Variants in WDR45B observed in about 807,000 individuals in gnomAD.
WDR45B encodes the protein WD repeat domain 45B.
In WDR45B, 20 loss-of-function variants were observed where a neutral mutation model predicts 44.6. That is an observed-to-expected ratio of 0.45 (90% CI 0.32 to 0.65). The LOEUF is 0.65. WDR45B is among the 30% of genes least tolerant of loss of function. The pLI is 0.05. For missense variants in WDR45B, 323 were observed against 430.2 expected (o/e 0.75, Z 2.20); for synonymous variants, 169 against 164.9 (o/e 1.02, Z -0.19).
chr17:82,634,225 C>T (rs958754356), intron 2 of WDR45B, among the ~76,000 whole-genome samples: 5 of 148,000 alleles, frequency 3.4e-5, no homozygotes, highest in African/African-American at 1.2e-4. Context: ...TGCAGTGGCT[C>T]ATACCCATAA....
intron 2 of WDR45B, among the ~76,000 whole-genome samples, chr17:82,632,255 G>A (rs991962631): frequency 3.3e-5 from 5 of 151,720 alleles, no homozygotes; most frequent in South Asian, 2.1e-4. Flanking sequence ...TCAAACTCCC[G>A]GGCTCAAGGA....
intron 1 of WDR45B, among the ~76,000 whole-genome samples, chr17:82,645,186 T>C (rs1246520164): frequency 6.6e-6 from 1 of 151,334 alleles, no homozygotes; most frequent in Non-Finnish European, 1.5e-5. Context: ...TAATCCCAGC[T>C]ACTCAGGAGG....
At chr17:82,648,165 G>T in intron 1 of WDR45B, 109 bp downstream of exon 1, 2 of 1,295,316 alleles carry the variant, frequency 1.5e-6, no homozygotes, top group Admixed American at 2.5e-5. Flanking sequence ...CCGGGGTCCC[G>T]GGTGGAAGGC....
chr17:82,648,392 G>T lies in WDR45B; in HGVS notation c.-52C>A. The T allele has an allele frequency of 1.3e-6, 2 of 1,587,036 alleles. No individual in the cohort carries two copies. The highest frequency in any genetic ancestry group is 1.7e-6 in the Non-Finnish European group (2 of 1,168,660). ...CTCAGCGCTGCATGCCTCTCGCTGGGGACGGCGGCCTGGTCCCTTCGGGCC... is the reference window on the plus strand; with the variant it reads ...CTCAGCGCTGCATGCCTCTCGCTGGTGACGGCGGCCTGGTCCCTTCGGGCC... On this transcript the variant is annotated 5_prime_UTR_variant, in exon 1 of 10. Coordinates refer to ENST00000392325, the MANE Select transcript of WDR45B (RefSeq NM_019613.4).
intron 3 of WDR45B, among the ~76,000 whole-genome samples, chr17:82,627,680 G>A (rs544715700): frequency 1.3e-5 from 2 of 151,506 alleles, no homozygotes; most frequent in South Asian, 4.2e-4. Flanking sequence ...CTCCCCGTCC[G>A]TTCCTCTCTC....
At chr17:82,627,057 C>G in intron 4 of WDR45B, 147 bp downstream of exon 4, 1 of 769,402 alleles carries the variant, frequency 1.3e-6, no homozygotes, top group Non-Finnish European at 2.3e-6. Context: ...TATAAATAAT[C>G]CTTATATCCT....
intron 6 of WDR45B, among the ~76,000 whole-genome samples, chr17:82,621,193 A>T (rs1322033917): frequency 6.6e-6 from 1 of 151,736 alleles, no homozygotes; most frequent in African/African-American, 2.4e-5. Flanking sequence ...AGCTGGGATT[A>T]CAGGTACACA....
intron 3 of WDR45B, 114 bp downstream of exon 3, chr17:82,630,807 G>C: frequency 9.4e-7 from 1 of 1,065,916 alleles, no homozygotes; most frequent in South Asian, 1.3e-5. Flanking sequence ...ACCAGTCCTG[G>C]ATATTTCACA....
chr17:82,617,616 A>C (rs906508405), intron 7 of WDR45B: 4 of 580,742 alleles, frequency 6.9e-6, no homozygotes, highest in African/African-American at 5.6e-5. Context: ...TATCACGGCA[A>C]GTTTTCCTTG....
intron 9 of WDR45B, 79 bp downstream of exon 9, chr17:82,616,445 G>A: frequency 3.7e-6 from 6 of 1,608,210 alleles, no homozygotes; most frequent in Non-Finnish European, 5.1e-6. Context: ...GGACGTCCAT[G>A]GGAAGTTAGG....
rs1403149357 is a variant in WDR45B, at chr17:82,615,974, T to A, written c.980A>T (p.Glu327Val). The A allele has an allele frequency of 2.9e-5, 47 of 1,613,300 alleles. No homozygotes were observed. The highest frequency in any genetic ancestry group is 4.0e-5 in the Non-Finnish European group (47 of 1,179,898). ...CTGCGCGTAGACATCTCGGATGCAC[T>A]CCCCCTTGGGGTTGAACAGGAATTT... is the stretch of plus-strand genomic sequence containing the variant. ...YYKFLFNPKG[E>V]CIRDVYAQFL... The change falls in exon 10 of 10, where the codon GAG (glutamate) becomes GTG (valine). Residue 327 changes from glutamate (E) to valine (V), a missense_variant. Physicochemically the swap from Glu to Val is moderately radical, Grantham distance 121 (BLOSUM62 -2). Coordinates refer to ENST00000392325, the MANE Select transcript of WDR45B (RefSeq NM_019613.4).
chr17:82,646,488 C>CAAAAAAAAAAAAA (rs779661551), intron 1 of WDR45B, among the ~76,000 whole-genome samples: 5 of 19,936 alleles, frequency 2.5e-4, no homozygotes, highest in South Asian at 2.5e-3. Flanking sequence ...AACTCCGTCT[C>CAAAAAAAAAAAAA]AAAAAAAAAA....
intron 2 of WDR45B, among the ~76,000 whole-genome samples, chr17:82,634,578 G>A (rs1486444322): frequency 6.6e-6 from 1 of 152,098 alleles, no homozygotes; most frequent in East Asian, 1.9e-4. Context: ...GCAGGGTCTG[G>A]AAGAGATACC....
intron 8 of WDR45B, 33 bp from the exon 9 acceptor site, chr17:82,616,678 A>G: frequency 6.2e-7 from 1 of 1,613,894 alleles, no homozygotes; most frequent in Non-Finnish European, 8.5e-7. Context: ...GGTGGTTCAA[A>G]GTTTACAGGA....
Position 82,621,904 on chromosome 17 carries a change from T to A in WDR45B, c.428-105A>T, listed in dbSNP as rs755370181. 1.6e-4 allele frequency: 193 copies of A among 1,219,412 alleles called. 1 individual carries two copies. Among genetic ancestry groups the A allele is most frequent in the Non-Finnish European group, 2.1e-4 (182 of 848,310 alleles). 75.5% of individuals were successfully genotyped at this position (1,219,412 alleles called of 1,614,324 possible). ...CTCCGAAAAAATAGATGTATATCAT[T>A]TATAAATATCAGAACCACAAATTCA... On this transcript the variant is annotated intron_variant, in intron 5 of 9. Transcript: ENST00000392325.
chr17:82,644,273 G>A, intron 1 of WDR45B: 1 of 532,584 alleles, frequency 1.9e-6, no homozygotes, highest in Non-Finnish European at 3.4e-6. Flanking sequence ...CACTGCAGGG[G>A]CCTTCTGTGG....
intron 1 of WDR45B, among the ~76,000 whole-genome samples, chr17:82,648,014 A>G (rs2046003577): frequency 7.8e-6 from 1 of 127,562 alleles, no homozygotes; most frequent in Admixed American, 8.3e-5. Context: ...GCCGGCTGGG[A>G]GCGGTCACAA....
intron 2 of WDR45B, among the ~76,000 whole-genome samples, chr17:82,643,015 G>A (rs1199956047): frequency 6.6e-6 from 1 of 152,208 alleles, no homozygotes; most frequent in Non-Finnish European, 1.5e-5. Flanking sequence ...TACAGTGTAT[G>A]TGGCATCATA....
intron 5 of WDR45B, 98 bp from the exon 6 acceptor site, chr17:82,621,897 A>C: frequency 3.2e-6 from 4 of 1,233,518 alleles, no homozygotes; most frequent in Non-Finnish European, 4.7e-6. Context: ...AAATAGATGT[A>C]TATCATTTAT....
Sources: allele counts gnomAD v4.1 joint callset (sites outside exome capture counted in the v4.1 genomes callset), GRCh38; gene constraint gnomAD v4.1.1; transcripts MANE v1.5; gene names NCBI Gene and HGNC (gene_info 2026-07-23, HGNC 2026-07-21).